Variants in SOX6 observed in about 807,000 individuals in gnomAD.
The protein encoded by SOX6 is SRY-box transcription factor 6.
In SOX6, 11 loss-of-function variants were observed where a neutral mutation model predicts 97.8. The observed-to-expected ratio is 0.11, with a 90% CI of 0.07 to 0.19. The LOEUF is 0.19. Among genes scored for constraint, SOX6 ranks in the 10% least tolerant of loss-of-function variants. SOX6 has a pLI of 1.00. For missense variants in SOX6, 810 were observed against 1,039.5 expected, an observed-to-expected ratio of 0.78 and a Z score of 3.04; for synonymous variants, 360 against 371.4, an observed-to-expected ratio of 0.97 and a Z score of 0.35.
At chr11:16,722,911 A>T (rs1191841408) in intron 2 of SOX6, among the ~76,000 whole-genome samples, 1 of 152,210 alleles carries the variant, frequency 6.6e-6, no homozygotes, top group East Asian at 1.9e-4. Flanking sequence ...TGTGAAAAGC[A>T]GTATGGCAAT....
At chr11:16,404,100 C>G (rs1352336692) in intron 1 of SOX6, among the ~76,000 whole-genome samples, 1 of 151,740 alleles carries the variant, frequency 6.6e-6, no homozygotes, top group Non-Finnish European at 1.5e-5. Flanking sequence ...AAAGTCAAAC[C>G]AAGATTTTAG....
intron 1 of SOX6, among the ~76,000 whole-genome samples, chr11:16,363,304 T>TC (rs925505857): frequency 2.0e-5 from 3 of 152,134 alleles, no homozygotes; most frequent in African/African-American, 4.8e-5. Context: ...GATTGAGCAT[T>TC]CCCTAATCTG....
At chr11:16,387,517 T>C (rs918090464) in intron 1 of SOX6, among the ~76,000 whole-genome samples, 2 of 152,050 alleles carry the variant, frequency 1.3e-5, no homozygotes, top group East Asian at 1.9e-4. Context: ...GTCAATATGG[T>C]AGATTATTCA....
chr11:16,053,647 A>T (rs950579936), intron 10 of SOX6, among the ~76,000 whole-genome samples: 16 of 152,204 alleles, frequency 1.1e-4, no homozygotes, highest in African/African-American at 3.6e-4. Flanking sequence ...GTATTTTAAC[A>T]GAAACATTCT....
intron 4 of SOX6, among the ~76,000 whole-genome samples, chr11:16,532,166 C>T (rs1323418373): frequency 6.6e-6 from 1 of 151,844 alleles, no homozygotes; most frequent in East Asian, 1.9e-4. Context: ...ACATGCTTCT[C>T]ATTTCAAGGA....
intron 6 of SOX6, among the ~76,000 whole-genome samples, chr11:16,161,414 A>G (rs948851310): frequency 4.0e-5 from 6 of 151,722 alleles, no homozygotes; most frequent in Non-Finnish European, 5.9e-5. Flanking sequence ...AGTCTTAGAC[A>G]TAAGAATTAT....
chr11:16,460,804 G>C (rs533536343), intron 1 of SOX6, among the ~76,000 whole-genome samples: 1 of 152,108 alleles, frequency 6.6e-6, no homozygotes, highest in Admixed American at 6.6e-5. Context: ...CCCTATGTGA[G>C]AGCCACCTGA....
chr11:16,736,159 G>A (rs764358306), intron 2 of SOX6, among the ~76,000 whole-genome samples: 28 of 152,054 alleles, frequency 1.8e-4, no homozygotes, highest in Non-Finnish European at 2.6e-4. Flanking sequence ...ATTAACTACC[G>A]TGTGGCAGGC....
At chr11:16,099,740 C>G (rs1433382541) in intron 7 of SOX6, among the ~76,000 whole-genome samples, 3 of 149,460 alleles carry the variant, frequency 2.0e-5, no homozygotes, top group African/African-American at 7.4e-5. Flanking sequence ...TTTGGCTTGC[C>G]AGTTAATTTA....
intron 3 of SOX6, among the ~76,000 whole-genome samples, chr11:16,699,937 A>C (rs2134040785): frequency 6.6e-6 from 1 of 152,110 alleles, no homozygotes; most frequent in South Asian, 2.1e-4. Context: ...GTGCAAAACA[A>C]GTGGACACTA....
intron 4 of SOX6, among the ~76,000 whole-genome samples, chr11:16,546,411 C>A (rs563400922): frequency 6.6e-6 from 1 of 152,174 alleles, no homozygotes; most frequent in South Asian, 2.1e-4. Context: ...TAGCAACAGA[C>A]ACACAGACTC....
At chr11:15,978,828 T>C (rs1853573507) in intron 15 of SOX6, among the ~76,000 whole-genome samples, 1 of 136,810 alleles carries the variant, frequency 7.3e-6, no homozygotes, top group Admixed American at 7.6e-5. Context: ...AGATATTATA[T>C]ATAACATATC....
intron 15 of SOX6, among the ~76,000 whole-genome samples, chr11:15,984,378 C>A (rs1364785483): frequency 2.0e-5 from 3 of 152,036 alleles, no homozygotes; most frequent in Non-Finnish European, 4.4e-5. Context: ...CGGAACAGCC[C>A]CACTATGTAT....
At chr11:16,131,627 G>C (rs1270011096) in intron 6 of SOX6, among the ~76,000 whole-genome samples, 1 of 149,546 alleles carries the variant, frequency 6.7e-6, no homozygotes, top group Non-Finnish European at 1.5e-5. Flanking sequence ...TGTCTGCATA[G>C]ACTTGCAATA....
Position 16,449,277 on chromosome 11 carries a change from C to CTTTTTTTTTTTTT in SOX6, c.-5+27025_-5+27037dup, listed in dbSNP as rs10611823. On this transcript the variant is annotated intron_variant, in intron 1 of 15. Transcript: ENST00000396356. ...AGTGTAAAATTATAAAATGCTCCTTCTTTTTTTTTTTTTTTTTTTTTTTTT... is the reference window on the plus strand; with the variant it reads ...AGTGTAAAATTATAAAATGCTCCTTCTTTTTTTTTTTTTTTTTTTTTTTTTTTTTTTTTTTTTT... Among the ~76,000 whole-genome samples the CTTTTTTTTTTTTT allele has an allele frequency of 2.1e-4, 13 of 62,906 alleles. 3 individuals are homozygous for CTTTTTTTTTTTTT. The highest frequency in any genetic ancestry group is 8.6e-4 in the African/African-American group (12 of 13,936). 41.3% of individuals were successfully genotyped at this position (62,906 alleles called of 152,430 possible). A position where few individuals can be genotyped will look rare whatever the true frequency, so the allele number is the denominator to read the frequency against.
At chr11:16,409,559 T>C (rs1219316682) in intron 1 of SOX6, among the ~76,000 whole-genome samples, 1 of 152,144 alleles carries the variant, frequency 6.6e-6, no homozygotes, top group Non-Finnish European at 1.5e-5. Flanking sequence ...TGACTAATCA[T>C]GAACACAGTT....
Position 16,634,813 on chromosome 11 carries a change from G to A in SOX6, n.430-22553C>T, listed in dbSNP as rs182291608. Among the ~76,000 whole-genome samples, 87 of 146,026 alleles carry A rather than the reference G, an allele frequency of 6.0e-4. 1 individual carries two copies. The Middle Eastern group carries it at 0.024, about 41-fold the overall frequency. On this transcript the variant is annotated intron_variant and non_coding_transcript_variant, in intron 3 of 5. Transcript: ENST00000524520. ...AGTTCCCATAATCCCCATGTGTCGT[G>A]GGAGGGACCCAGTGAGGGGTAATCG...
intron 10 of SOX6, among the ~76,000 whole-genome samples, chr11:16,054,875 T>C (rs1847775490): frequency 6.6e-6 from 1 of 152,190 alleles, no homozygotes; most frequent in African/African-American, 2.4e-5. Context: ...AAGTACCACC[T>C]ATAGGTACCA....
intron 13 of SOX6, 48 bp downstream of exon 13, chr11:16,014,894 T>C: frequency 6.5e-7 from 1 of 1,543,712 alleles, no homozygotes; most frequent in Non-Finnish European, 9.0e-7. Context: ...AGACACACAT[T>C]TGGAAACACA....
Sources: allele counts gnomAD v4.1 joint callset (sites outside exome capture counted in the v4.1 genomes callset), GRCh38; gene constraint gnomAD v4.1.1; transcripts MANE v1.5; gene names NCBI Gene and HGNC (gene_info 2026-07-23, HGNC 2026-07-21).